LINC00305: variants seen among roughly 807,000 people sequenced by gnomAD.
The protein encoded by LINC00305 is long intergenic non-protein coding RNA 305.
Position 64,113,279 on chromosome 18 carries a change from A to G in LINC00305, n.315-14639T>C, listed in dbSNP as rs575212865. Among the ~76,000 whole-genome samples, 7 of 152,354 alleles carry G rather than the reference A, an allele frequency of 4.6e-5. No homozygotes were observed. The East Asian group carries it at 1.3e-3, about 29-fold the overall frequency. On this transcript the variant is annotated intron_variant and non_coding_transcript_variant, in intron 1 of 3. Coordinates refer to ENST00000666468, the Ensembl canonical transcript of LINC00305. ...AGTGAAAATGATACTTAGCTTTCCA[A>G]TTTAAAATAAAAACCTAGCAGATAA...
chr18:64,126,817 T>A (rs1326818246), intron 1 of LINC00305, among the ~76,000 whole-genome samples: 2 of 152,166 alleles, frequency 1.3e-5, no homozygotes, highest in African/African-American at 2.4e-5. Context: ...ATAACTACTC[T>A]TGATTTAGGA....
chr18:64,082,436 G>C (rs550456073), intron 3 of LINC00305, among the ~76,000 whole-genome samples: 5 of 152,262 alleles, frequency 3.3e-5, no homozygotes, highest in African/African-American at 1.2e-4. Context: ...AGACTGATTT[G>C]AGTAACAAAA....
chr18:64,106,523 C>T (rs2051291551), intron 1 of LINC00305, among the ~76,000 whole-genome samples: 1 of 152,182 alleles, frequency 6.6e-6, no homozygotes, highest in Non-Finnish European at 1.5e-5. Flanking sequence ...TTTATACCCC[C>T]TTCCTCCATT....
chr18:64,081,458 A>G (rs527691665), intron 3 of LINC00305, among the ~76,000 whole-genome samples: 1 of 152,338 alleles, frequency 6.6e-6, no homozygotes, highest in South Asian at 2.1e-4. Flanking sequence ...GTATGAGCTC[A>G]TAAGATGTAG....
intron 1 of LINC00305, among the ~76,000 whole-genome samples, chr18:64,113,367 A>G (rs76403705): frequency 9.5e-4 from 145 of 152,352 alleles, no homozygotes; most frequent in African/African-American, 3.4e-3. Flanking sequence ...TTATTACCCC[A>G]AGAAGAGTAG....
At chr18:64,103,442 G>A (rs991886388) in intron 1 of LINC00305, among the ~76,000 whole-genome samples, 25 of 152,078 alleles carry the variant, frequency 1.6e-4, no homozygotes, top group African/African-American at 4.6e-4. Flanking sequence ...TTCCTTTTGC[G>A]GCACTTCTCG....
intron 1 of LINC00305, among the ~76,000 whole-genome samples, chr18:64,106,701 C>T (rs991803575): frequency 6.6e-5 from 10 of 152,166 alleles, no homozygotes; most frequent in East Asian, 1.9e-4. Context: ...TGAGAACACA[C>T]GGACCCAAGT....
At chr18:64,083,980 C>T (rs1235886850) in intron 3 of LINC00305, among the ~76,000 whole-genome samples, 1 of 152,208 alleles carries the variant, frequency 6.6e-6, no homozygotes, top group East Asian at 1.9e-4. Context: ...CTTCTCTTAC[C>T]TCTAAAGAAA....
intron 1 of LINC00305, among the ~76,000 whole-genome samples, chr18:64,126,221 C>T (rs1158126682): frequency 2.0e-5 from 3 of 151,958 alleles, no homozygotes; most frequent in Admixed American, 6.6e-5. Flanking sequence ...AATTATCATT[C>T]ATACAGTTGA....
At chr18:64,114,366 A>G (rs760972566) in intron 1 of LINC00305, among the ~76,000 whole-genome samples, 3 of 152,134 alleles carry the variant, frequency 2.0e-5, no homozygotes, top group East Asian at 1.9e-4. Flanking sequence ...GGGTGCCTCA[A>G]TTCCTTTTGC....
intron 1 of LINC00305, among the ~76,000 whole-genome samples, chr18:64,136,511 T>C (rs569643631): frequency 1.3e-5 from 2 of 152,244 alleles, no homozygotes; most frequent in South Asian, 4.1e-4. Flanking sequence ...TCACTCACTA[T>C]CGTGAGAACA....
intron 1 of LINC00305, among the ~76,000 whole-genome samples, chr18:64,101,384 G>A (rs957481440): frequency 1.3e-5 from 2 of 152,128 alleles, no homozygotes; most frequent in Non-Finnish European, 2.9e-5. Flanking sequence ...TTGTTGAGAG[G>A]CGCATGCTCT....
intron 1 of LINC00305, among the ~76,000 whole-genome samples, chr18:64,147,616 G>T (rs556051691): frequency 4.6e-5 from 7 of 152,130 alleles, no homozygotes; most frequent in Non-Finnish European, 1.0e-4. Flanking sequence ...GATGGACAAA[G>T]TCCATCTCAG....
At chr18:64,137,864 A>G (rs1289429938) in intron 1 of LINC00305, among the ~76,000 whole-genome samples, 1 of 152,088 alleles carries the variant, frequency 6.6e-6, no homozygotes, top group African/African-American at 2.4e-5. Context: ...ACACACACAC[A>G]CACACAATAT....
At chr18:64,117,713 C>T (rs578174646) in intron 1 of LINC00305, among the ~76,000 whole-genome samples, 17 of 152,312 alleles carry the variant, frequency 1.1e-4, no homozygotes, top group African/African-American at 4.1e-4. Flanking sequence ...TGTAACGGTA[C>T]AGATCACTTG....
intron 1 of LINC00305, among the ~76,000 whole-genome samples, chr18:64,140,726 CTT>C (rs1004484604): frequency 8.5e-5 from 13 of 152,140 alleles, no homozygotes; most frequent in African/African-American, 3.1e-4. Context: ...GCAAGAGAGA[CTT>C]TGCAGATGGC....
intron 1 of LINC00305, among the ~76,000 whole-genome samples, chr18:64,103,653 C>T (rs1377735367): frequency 6.6e-6 from 1 of 152,198 alleles, no homozygotes; most frequent in African/African-American, 2.4e-5. Context: ...TCAGGAACTC[C>T]TGCCAAATGT....
chr18:64,103,785 C>T (rs2051277651), intron 1 of LINC00305, among the ~76,000 whole-genome samples: 2 of 152,092 alleles, frequency 1.3e-5, no homozygotes. Flanking sequence ...ATTGACCATG[C>T]TGTGTTTATC....
intron 1 of LINC00305, among the ~76,000 whole-genome samples, chr18:64,134,113 A>G (rs1035104896): frequency 5.3e-5 from 8 of 152,204 alleles, no homozygotes; most frequent in Non-Finnish European, 8.8e-5. Context: ...ATTATGGAAG[A>G]TTAGTTCAAT....
Sources: gnomAD v4.1 joint callset for allele counts (sites outside exome capture counted in the v4.1 genomes callset) on GRCh38, gnomAD v4.1.1 for gene constraint, MANE v1.5 for transcripts, NCBI Gene and HGNC (gene_info 2026-07-23, HGNC 2026-07-21) for gene names.